The following EEF1AKMT3 variants were observed in gnomAD, a reference collection of about 807,000 sequenced individuals.
The protein encoded by EEF1AKMT3 is eEF1A-KMT3.
EEF1AKMT3 carries 17 observed loss-of-function variants against 17.8 expected under a neutral mutation model. That is an observed-to-expected ratio of 0.96 (90% CI 0.65 to 1.43). The LOEUF is 1.43. Among genes scored for constraint, EEF1AKMT3 ranks in the 40% most tolerant of loss-of-function variants. The pLI, the probability that EEF1AKMT3 is intolerant of heterozygous loss-of-function variation, is 0.00. For missense variants in EEF1AKMT3, 244 were observed against 285.8 expected (o/e 0.85, Z 1.06); for synonymous variants, 116 against 126.5 (o/e 0.92, Z 0.56).
chr12:57,774,992 C>CTACT (rs948569063), intron 2 of EEF1AKMT3, among the ~76,000 whole-genome samples: 5 of 150,354 alleles, frequency 3.3e-5, no homozygotes. Flanking sequence ...GTAATCCCAG[C>CTACT]TACTTGGGGG....
intron 2 of EEF1AKMT3, chr12:57,774,749 T>G (rs753865231): frequency 6.2e-7 from 1 of 1,610,582 alleles, no homozygotes; most frequent in Non-Finnish European, 8.5e-7. Flanking sequence ...TGGGAATCCA[T>G]CAAGGGAAGC....
At chr12:57,776,552 A>G (rs11172333) in intron 2 of EEF1AKMT3, among the ~76,000 whole-genome samples, 40,408 of 152,104 alleles carry the variant, frequency 0.27, 6,792 homozygotes, top group East Asian at 0.65. Context: ...TCTCCTGAAC[A>G]ACTGTTTCTT....
At position 57,772,852 on chromosome 12, in the gene EEF1AKMT3, C is replaced by G. The variant is rs1199069867; in HGVS notation, c.128C>G (p.Thr43Arg). The G allele has an allele frequency of 6.2e-7, 1 of 1,614,194 alleles. No homozygotes were observed. The highest frequency in any genetic ancestry group is 8.5e-7 in the Non-Finnish European group (1 of 1,180,000). ...FCFCGHVLTI[T>R]QNFGSRLGVA... ...TTCTGTGGGCATGTGCTGACCATCA[C>G]GCAGAACTTTGGGTCCCGCCTCGGG... The change falls in exon 1 of 3, where the codon ACG becomes AGG. Residue 43 changes from threonine to arginine, a missense_variant. Physicochemically the swap from Thr to Arg is moderately conservative, Grantham distance 71 (BLOSUM62 -1). Transcript: ENST00000300209. The surrounding 1 kb of genome is among the most constrained non-coding windows in gnomAD (Gnocchi z 4.1).
Position 57,780,870 on chromosome 12 carries a change from A to G in EEF1AKMT3, c.*224A>G. 3.3e-6 allele frequency: 2 copies of G among 598,540 alleles called. No homozygotes were observed. Among genetic ancestry groups the G allele is most frequent in the South Asian group, 4.2e-5 (2 of 47,222 alleles). 37.1% of individuals were successfully genotyped at this position (598,540 alleles called of 1,614,324 possible). ...GAGTTCTGGCAGCACTAGTGTTAGA[A>G]CACCAAGGAGGTTCCTGGCTCCTGT... On this transcript the variant is annotated 3_prime_UTR_variant, in exon 3 of 3. Coordinates refer to ENST00000300209, the MANE Select transcript of EEF1AKMT3 (RefSeq NM_015433.3).
intron 2 of EEF1AKMT3, 118 bp from the exon 3 acceptor site, chr12:57,780,137 C>A: frequency 8.0e-7 from 1 of 1,252,528 alleles, no homozygotes; most frequent in Non-Finnish European, 1.1e-6. Context: ...CCAGTGTGGG[C>A]TCTGGGCTGT....
At chr12:57,774,996 T>C (rs905602204) in intron 2 of EEF1AKMT3, among the ~76,000 whole-genome samples, 2 of 150,442 alleles carry the variant, frequency 1.3e-5, no homozygotes, top group East Asian at 2.0e-4. Flanking sequence ...TCCCAGCTAC[T>C]TGGGGGGCTG....
At chr12:57,778,945 C>G (rs912585052) in intron 2 of EEF1AKMT3, among the ~76,000 whole-genome samples, 1 of 152,040 alleles carries the variant, frequency 6.6e-6, no homozygotes, top group African/African-American at 2.4e-5. Flanking sequence ...TTGCAACCTT[C>G]GCCTCCCAGG....
intron 2 of EEF1AKMT3, among the ~76,000 whole-genome samples, chr12:57,778,044 C>T (rs1171801152): frequency 6.6e-6 from 1 of 151,470 alleles, no homozygotes; most frequent in African/African-American, 2.4e-5. Context: ...AAAAATGCCC[C>T]GTTGGTGATC....
In EEF1AKMT3 at chr12:57,772,846, C is replaced by T. The variant is rs1328742554; in HGVS notation, c.122C>T (p.Thr41Ile). The change falls in exon 1 of 3, where the codon ACC (threonine) becomes ATC (isoleucine). Residue 41 changes from threonine (T) to isoleucine (I), a missense_variant. Physicochemically the swap from Thr to Ile is moderately conservative, Grantham distance 89. Coordinates refer to ENST00000300209, the MANE Select transcript of EEF1AKMT3 (RefSeq NM_015433.3). The surrounding 1 kb of genome is among the most constrained non-coding windows in gnomAD (Gnocchi z 4.1). ...SQFCFCGHVL[T>I]ITQNFGSRLG... ...TTCTGTTTCTGTGGGCATGTGCTGACCATCACGCAGAACTTTGGGTCCCGC... is the reference window on the plus strand; with the variant it reads ...TTCTGTTTCTGTGGGCATGTGCTGATCATCACGCAGAACTTTGGGTCCCGC... 1 of 1,614,216 alleles carries T rather than the reference C, an allele frequency of 6.2e-7. No homozygotes were observed. The highest frequency in any genetic ancestry group is 8.5e-7 in the Non-Finnish European group (1 of 1,180,018).
intron 2 of EEF1AKMT3, chr12:57,774,841 C>T: frequency 7.0e-7 from 1 of 1,424,648 alleles, no homozygotes; most frequent in Non-Finnish European, 9.6e-7. Context: ...CTCGGTGGCT[C>T]ATGCCTATAA....
chr12:57,776,354 C>T lies in EEF1AKMT3; in HGVS notation c.289+3226C>T, dbSNP rs1004939916. Among the ~76,000 whole-genome samples the T allele has an allele frequency of 5.3e-5, 8 of 152,344 alleles. No individual in the cohort carries two copies. The South Asian group carries it at 1.7e-3, about 32-fold the overall frequency. On this transcript the variant is annotated intron_variant, in intron 2 of 2. Coordinates refer to ENST00000300209, the MANE Select transcript of EEF1AKMT3 (RefSeq NM_015433.3). Reference sequence around the variant, plus strand: ...TAATGCATATGCATCCCTCCTTCCTCAGCTCAAACATCACTTCGAAGGGAA... The same window carrying T: ...TAATGCATATGCATCCCTCCTTCCTTAGCTCAAACATCACTTCGAAGGGAA...
chr12:57,780,792 C>T lies in EEF1AKMT3; in HGVS notation c.*146C>T. 1 of 1,093,050 alleles carries T rather than the reference C, an allele frequency of 9.1e-7. No homozygotes were observed. Among genetic ancestry groups the T allele is most frequent in the Non-Finnish European group, 1.3e-6 (1 of 779,806 alleles). The allele number at this position is 1,093,050 out of a possible 1,614,324, so 67.7% of individuals were successfully genotyped here. A position where few individuals can be genotyped will look rare whatever the true frequency, so the allele number is the denominator to read the frequency against. ...CACTTTCCTCCTTCCCTCTTTGTTA[C>T]CCCAGATACTCTTGGGCAGGTGCAG... On this transcript the variant is annotated 3_prime_UTR_variant, in exon 3 of 3. Coordinates refer to ENST00000300209, the MANE Select transcript of EEF1AKMT3 (RefSeq NM_015433.3).
rs965571407 is a variant in EEF1AKMT3, at chr12:57,782,252, G to A, written c.*1606G>A. 2.0e-5 allele frequency: 3 copies of A among 152,322 alleles called. No homozygotes were observed. The highest frequency in any genetic ancestry group is 3.9e-4 in the East Asian group (2 of 5,170). 9.4% of individuals were successfully genotyped at this position (152,322 alleles called of 1,614,324 possible). On this transcript the variant is annotated 3_prime_UTR_variant, in exon 3 of 3. Coordinates refer to ENST00000300209, the MANE Select transcript of EEF1AKMT3 (RefSeq NM_015433.3). ...TAATTTGTCTTGCATGGACATTTGT[G>A]ATTCTCATTTTCTCACCATTAAATT...
Position 57,782,512 on chromosome 12 carries a change from A to T in EEF1AKMT3, c.*1866A>T. 2.2e-6 allele frequency: 1 copy of T among 444,782 alleles called. No individual in the cohort carries two copies. The highest frequency in any genetic ancestry group is 3.9e-5 in the Admixed American group (1 of 25,330). 27.6% of individuals were successfully genotyped at this position (444,782 alleles called of 1,614,324 possible). A position where few individuals can be genotyped will look rare whatever the true frequency, so the allele number is the denominator to read the frequency against. ...AAATGGATAATGAATATAAATGCGCATTGAAAATAAACATAAAATGTTACC... is the reference window on the plus strand; with the variant it reads ...AAATGGATAATGAATATAAATGCGCTTTGAAAATAAACATAAAATGTTACC... On this transcript the variant is annotated 3_prime_UTR_variant, in exon 3 of 3. Transcript: ENST00000300209.
Position 57,773,589 on chromosome 12 carries a change from G to A in EEF1AKMT3, c.289+461G>A, listed in dbSNP as rs576809790. ...ATTACAGGCTTGCGCTACCATACCC[G>A]GCTACTTTTTGTATTTTTAGTAGAA... is the stretch of plus-strand genomic sequence containing the variant. On this transcript the variant is annotated intron_variant, in intron 2 of 2. Coordinates refer to ENST00000300209, the MANE Select transcript of EEF1AKMT3 (RefSeq NM_015433.3). Among the ~76,000 whole-genome samples, 6 of 152,142 alleles carry A rather than the reference G, an allele frequency of 3.9e-5. No individual in the cohort carries two copies. In the South Asian group the frequency reaches 1.0e-3, roughly 26 times the overall value.
intron 2 of EEF1AKMT3, among the ~76,000 whole-genome samples, chr12:57,779,942 C>G (rs1955501924): frequency 6.6e-6 from 1 of 152,198 alleles, no homozygotes. Flanking sequence ...TTAAGGCGAG[C>G]TTGTGTCAGT....
Position 57,772,999 on chromosome 12 carries a change from C to T in EEF1AKMT3, c.178-18C>T. On this transcript the variant is annotated intron_variant, in intron 1 of 2. Coordinates refer to ENST00000300209, the MANE Select transcript of EEF1AKMT3 (RefSeq NM_015433.3). The surrounding 1 kb of genome is among the most constrained non-coding windows in gnomAD (Gnocchi z 4.1). Reference sequence around the variant, plus strand: ...GCCATCCTCACGACTGTCTTTTTCTCTGTCTTTTCTCCCGTAGGCCCTGAG... The same window carrying T: ...GCCATCCTCACGACTGTCTTTTTCTTTGTCTTTTCTCCCGTAGGCCCTGAG... 1 of 1,614,114 alleles carries T rather than the reference C, an allele frequency of 6.2e-7. No individual in the cohort carries two copies.
Position 57,780,252 on chromosome 12 carries a change from C to T in EEF1AKMT3, c.290-3C>T. 1.2e-6 allele frequency: 2 copies of T among 1,610,578 alleles called. No individual in the cohort carries two copies. Among genetic ancestry groups the T allele is most frequent in the Non-Finnish European group, 1.7e-6 (2 of 1,179,202 alleles). ...TGCATTTTTCCTCCTTCCTCTCTCT[C>T]AGGGGGGGATGTTACCATCACTGAC... On this transcript the variant is annotated splice_polypyrimidine_tract_variant and splice_region_variant and intron_variant, in intron 2 of 2. Transcript: ENST00000300209.
intron 2 of EEF1AKMT3, among the ~76,000 whole-genome samples, chr12:57,776,294 G>T (rs1300046164): frequency 6.6e-6 from 1 of 152,142 alleles, no homozygotes; most frequent in East Asian, 1.9e-4. Context: ...CTTCACTCAG[G>T]CTTACTTTCT....
Sources: gnomAD v4.1 joint callset for allele counts (sites outside exome capture counted in the v4.1 genomes callset) on GRCh38, gnomAD v4.1.1 for gene constraint, Gnocchi (gnomAD v3.1) non-coding constraint, MANE v1.5 for transcripts, NCBI Gene and HGNC (gene_info 2026-07-23, HGNC 2026-07-21) for gene names.